DLG2: variants seen among roughly 807,000 people sequenced by gnomAD.
The protein encoded by DLG2 is discs large MAGUK scaffold protein 2, also known as disks large homolog 2.
In DLG2, 45 loss-of-function variants were observed where a neutral mutation model predicts 132.5. That is an observed-to-expected ratio of 0.34 (90% CI 0.27 to 0.44). DLG2 has a LOEUF of 0.44. DLG2 is among the 20% of genes least tolerant of loss of function. The pLI, the probability that DLG2 is intolerant of heterozygous loss-of-function variation, is 1.00. For synonymous variants in DLG2, 424 were observed against 419.6 expected (o/e 1.01, Z -0.13); for missense variants, 1,045 against 1,196.9 (o/e 0.87, Z 1.87).
chr11:83,522,525 A>G (rs1356083252), intron 21 of DLG2, among the ~76,000 whole-genome samples: 6 of 113,306 alleles, frequency 5.3e-5, no homozygotes, highest in Non-Finnish European at 1.1e-4. Context: ...TTCACAACCT[A>G]TAGAAAAAAA....
intron 6 of DLG2, among the ~76,000 whole-genome samples, chr11:84,750,265 G>A (rs2065937927): frequency 6.6e-6 from 1 of 151,970 alleles, no homozygotes; most frequent in Non-Finnish European, 1.5e-5. Flanking sequence ...CATCTCATCA[G>A]GTATGTATTA....
At chr11:85,043,753 A>G (rs1481912338) in intron 6 of DLG2, among the ~76,000 whole-genome samples, 2 of 151,908 alleles carry the variant, frequency 1.3e-5, no homozygotes, top group Non-Finnish European at 2.9e-5. Flanking sequence ...TATTAGCTCT[A>G]TTTTTAATAG....
intron 6 of DLG2, among the ~76,000 whole-genome samples, chr11:84,729,019 G>C (rs962765408): frequency 1.3e-5 from 2 of 151,634 alleles, no homozygotes; most frequent in Non-Finnish European, 2.9e-5. Flanking sequence ...CTATTTTGTT[G>C]ATCTTTTCAA....
intron 3 of DLG2, among the ~76,000 whole-genome samples, chr11:85,529,744 C>A (rs897205232): frequency 7.9e-5 from 12 of 152,126 alleles, no homozygotes; most frequent in Non-Finnish European, 1.2e-4. Flanking sequence ...ATTGTACCAA[C>A]TTTCCTTTCC....
chr11:84,808,582 A>C (rs530463443), intron 6 of DLG2, among the ~76,000 whole-genome samples: 1 of 152,110 alleles, frequency 6.6e-6, no homozygotes, highest in South Asian at 2.1e-4. Context: ...ACTGATAAAG[A>C]AAAGAAATAG....
At chr11:85,210,360 T>C (rs1517310) in intron 4 of DLG2, among the ~76,000 whole-genome samples, 120,227 of 151,874 alleles carry the variant, frequency 0.79, 48,370 homozygotes, top group Non-Finnish European at 0.88. Flanking sequence ...AAACATCCTC[T>C]CCCTCAGAGC....
At chr11:83,625,120 AC>A in intron 19 of DLG2, among the ~76,000 whole-genome samples, 1 of 152,314 alleles carries the variant, frequency 6.6e-6, no homozygotes, top group South Asian at 2.1e-4. Flanking sequence ...TAAAAATACC[AC>A]TGTCAGCTAG....
chr11:85,207,941 C>A (rs1188488544), intron 4 of DLG2, among the ~76,000 whole-genome samples: 1 of 151,874 alleles, frequency 6.6e-6, no homozygotes, highest in Non-Finnish European at 1.5e-5. Context: ...TCAAAAGTAA[C>A]CTCCTCCAAG....
rs573422821 is a variant in DLG2, at chr11:84,636,333, T to C, written c.358-101602A>G. On this transcript the variant is annotated intron_variant, in intron 6 of 27. Transcript: ENST00000376104. Reference sequence around the variant, plus strand: ...TGCTATTTACACAGATTAAGAAGTATTGAAAAGTAGTATAACTGTGACATT... The same window carrying C: ...TGCTATTTACACAGATTAAGAAGTACTGAAAAGTAGTATAACTGTGACATT... Among the ~76,000 whole-genome samples, 76 of 152,348 alleles carry C rather than the reference T, an allele frequency of 5.0e-4. 2 individuals carry two copies. The South Asian group carries it at 0.014, about 29-fold the overall frequency.
At chr11:84,650,863 G>GTATATATATATT (rs1417830252) in intron 6 of DLG2, among the ~76,000 whole-genome samples, 1 of 92,250 alleles carries the variant, frequency 1.1e-5, no homozygotes, top group Non-Finnish European at 2.3e-5. Flanking sequence ...GTGTGTGTGT[G>GTATATATATATT]TGTGTGTGTG....
intron 6 of DLG2, among the ~76,000 whole-genome samples, chr11:84,987,205 G>A (rs904279837): frequency 3.9e-5 from 6 of 152,052 alleles, no homozygotes; most frequent in Non-Finnish European, 1.5e-5. Context: ...ACCTAACCAA[G>A]GAGGTGAAAG....
intron 6 of DLG2, among the ~76,000 whole-genome samples, chr11:84,653,729 C>A (rs1340295208): frequency 6.6e-6 from 1 of 152,176 alleles, no homozygotes; most frequent in Non-Finnish European, 1.5e-5. Flanking sequence ...TGGGATATTA[C>A]AGCAAATATT....
chr11:85,291,478 G>GTTGT (rs577769748), intron 3 of DLG2, among the ~76,000 whole-genome samples: 253 of 152,060 alleles, frequency 1.7e-3, no homozygotes, highest in African/African-American at 5.8e-3. Context: ...CCCTGTGGAG[G>GTTGT]TTGTTAGTGT....
intron 5 of DLG2, among the ~76,000 whole-genome samples, chr11:85,132,610 C>T (rs971119827): frequency 6.6e-6 from 1 of 151,948 alleles, no homozygotes; most frequent in Admixed American, 6.6e-5. Flanking sequence ...AAAGACAGGA[C>T]CCCCCAGACC....
At chr11:84,326,503 T>C (rs2098433791) in intron 7 of DLG2, among the ~76,000 whole-genome samples, 1 of 152,184 alleles carries the variant, frequency 6.6e-6, no homozygotes, top group Admixed American at 6.5e-5. Context: ...AAGAGTGAGT[T>C]GTTTAATTTC....
chr11:83,729,420 C>T (rs542951535), intron 18 of DLG2, among the ~76,000 whole-genome samples: 31 of 152,256 alleles, frequency 2.0e-4, no homozygotes, highest in African/African-American at 6.5e-4. Flanking sequence ...TGGGACAGCC[C>T]GAGCCTTCCT....
intron 8 of DLG2, among the ~76,000 whole-genome samples, chr11:84,244,102 C>T (rs1215745215): frequency 2.0e-5 from 3 of 152,214 alleles, no homozygotes; most frequent in African/African-American, 7.2e-5. Flanking sequence ...TGATGTACAA[C>T]TAAGCAGCAT....
rs191334715 is a variant in DLG2 at position 84,011,615 on chromosome 11, T to C, written c.920-30973A>G. Among the ~76,000 whole-genome samples the C allele has an allele frequency of 2.7e-3, 413 of 152,216 alleles. 3 individuals are homozygous for C. The highest frequency in any genetic ancestry group is 0.017 in the Middle Eastern group (5 of 294). ...AAGTCAGTTATAATTCAGGGTACTT[T>C]CTAGGGCTAAGTCAAAGCTCTGCAT... On this transcript the variant is annotated intron_variant, in intron 11 of 27. Coordinates refer to ENST00000376104, the MANE Select transcript of DLG2 (RefSeq NM_001142699.3).
intron 3 of DLG2, among the ~76,000 whole-genome samples, chr11:85,442,139 T>C (rs2091811960): frequency 6.6e-6 from 1 of 152,220 alleles, no homozygotes; most frequent in African/African-American, 2.4e-5. Context: ...TGTATATCTT[T>C]ACAGAACATG....
Sources: gnomAD v4.1 joint callset for allele counts (sites outside exome capture counted in the v4.1 genomes callset) on GRCh38, gnomAD v4.1.1 for gene constraint, MANE v1.5 for transcripts, NCBI Gene and HGNC (gene_info 2026-07-23, HGNC 2026-07-21) for gene names.